The following USP6 variants were observed in gnomAD, a reference collection of about 807,000 sequenced individuals.
USP6 encodes the protein ubiquitin specific peptidase 6, also known as ubiquitin carboxyl-terminal hydrolase 6.
USP6 carries 128 observed loss-of-function variants against 175.7 expected under a neutral mutation model. That is an observed-to-expected ratio of 0.73 (90% CI 0.63 to 0.84). The LOEUF (loss-of-function observed/expected upper bound fraction) is 0.84. USP6 is among the 40% of genes least tolerant of loss of function. USP6 has a pLI of 0.00. For missense variants in USP6, 1,498 were observed against 1,760.3 expected, an observed-to-expected ratio of 0.85 and a Z score of 2.67; for synonymous variants, 562 against 630.6, an observed-to-expected ratio of 0.89 and a Z score of 1.63.
At chr17:5,122,089 G>A (rs146717964) in intron 4 of USP6, among the ~76,000 whole-genome samples, 34 of 151,840 alleles carry the variant, frequency 2.2e-4, no homozygotes, top group African/African-American at 7.7e-4. Flanking sequence ...GATGTGTCAG[G>A]GGGCTGGAGC....
chr17:5,165,323 T>C (rs767786937), intron 33 of USP6, among the ~76,000 whole-genome samples: 6 of 152,220 alleles, frequency 3.9e-5, no homozygotes, highest in Non-Finnish European at 7.3e-5. Flanking sequence ...ATCACTCTTA[T>C]CCTTTATATT....
intron 25 of USP6, among the ~76,000 whole-genome samples, chr17:5,143,864 T>C (rs1349302081): frequency 2.6e-5 from 4 of 152,032 alleles, no homozygotes; most frequent in African/African-American, 4.8e-5. Flanking sequence ...ATGTGGTGTT[T>C]GCAATGAGCC....
Position 5,171,705 on chromosome 17 carries a change from A to C in USP6, c.4047+26A>C, listed in dbSNP as rs747643443. 1.9e-6 allele frequency: 3 copies of C among 1,607,322 alleles called. No individual in the cohort carries two copies. In the African/African-American group the frequency reaches 4.0e-5, roughly 21 times the overall value. ...GTAAACATTCTCAATCTTTGAATGA[A>C]AGTTAGAATATCAACAGAACTGGGG... On this transcript the variant is annotated intron_variant, in intron 37 of 37. Coordinates refer to ENST00000574788, the MANE Select transcript of USP6 (RefSeq NM_001304284.2).
At chr17:5,157,761 G>T (rs557723913) in intron 31 of USP6, among the ~76,000 whole-genome samples, 5 of 152,246 alleles carry the variant, frequency 3.3e-5, no homozygotes, top group African/African-American at 1.2e-4. Flanking sequence ...CTCCCGAGTA[G>T]CTGGGAGTAC....
chr17:5,132,329 C>G lies in USP6; in HGVS notation c.156-67C>G. 6.2e-7 allele frequency: 1 copy of G among 1,611,876 alleles called. No homozygotes were observed. The highest frequency in any genetic ancestry group is 8.5e-7 in the Non-Finnish European group (1 of 1,179,722). The stretch of plus-strand genomic sequence containing the variant: ...GACAGAGCCAGTCCTTTCTGGGGGT[C>G]GGCTCCCAGGCTTGGGCGGCTCCAG... On this transcript the variant is annotated intron_variant, in intron 11 of 37. Coordinates refer to ENST00000574788, the MANE Select transcript of USP6 (RefSeq NM_001304284.2). The surrounding 1 kb of genome is among the most constrained non-coding windows in gnomAD (Gnocchi z 4.7).
chr17:5,155,422 A>T lies in USP6; in HGVS notation c.2644A>T (p.Met882Leu). Residue 882 changes from methionine (M) to leucine (L), a missense_variant and splice_region_variant, in exon 31 of 38, where the codon ATG becomes TTG. By Grantham distance (15) the Met-to-Leu change is conservative. Transcript: ENST00000574788. Reference sequence around the variant, plus strand: ...TCTCTATTCTCGTTTGTACATACAGATGAGGACAGAACTGTATTTCCTGTC... The same window carrying T: ...TCTCTATTCTCGTTTGTACATACAGTTGAGGACAGAACTGTATTTCCTGTC... ...GYIIAVHRKM[M>L]RTELYFLSPQ... The T allele has an allele frequency of 6.2e-7, 1 of 1,613,720 alleles. No homozygotes were observed. The highest frequency in any genetic ancestry group is 1.1e-5 in the South Asian group (1 of 90,978).
At chr17:5,117,119 T>C (rs2072555464) in intron 1 of USP6, among the ~76,000 whole-genome samples, 1 of 152,248 alleles carries the variant, frequency 6.6e-6, no homozygotes, top group Admixed American at 6.5e-5. Context: ...ACTTTATTAA[T>C]GATTCTAATT....
intron 2 of USP6, among the ~76,000 whole-genome samples, chr17:5,119,772 A>C (rs954633710): frequency 1.4e-4 from 22 of 152,156 alleles, no homozygotes; most frequent in Non-Finnish European, 2.8e-4. Context: ...CCAGCACTAC[A>C]AGTGACTCAC....
At chr17:5,156,961 C>T (rs570272146) in intron 31 of USP6, among the ~76,000 whole-genome samples, 1 of 152,110 alleles carries the variant, frequency 6.6e-6, no homozygotes, top group African/African-American at 2.4e-5. Flanking sequence ...AACTCCTGGC[C>T]TCAAGTGATC....
chr17:5,121,061 G>C (rs574424910), intron 3 of USP6, among the ~76,000 whole-genome samples: 95 of 152,316 alleles, frequency 6.2e-4, no homozygotes, highest in Non-Finnish European at 1.2e-3. Context: ...GTGTGTATTT[G>C]AGTACATACG....
chr17:5,143,098 C>A lies in USP6; in HGVS notation c.1818+596C>A, dbSNP rs559224705. ...GAGGGAGGTCGGGGGGTCAGCCCCC[C>A]ACCCGGCCAGCCGCCCCGGCCTGGA... On this transcript the variant is annotated intron_variant, in intron 25 of 37. Transcript: ENST00000574788. Among the ~76,000 whole-genome samples, 29 of 152,248 alleles carry A rather than the reference C, an allele frequency of 1.9e-4. No homozygotes were observed. The South Asian group carries it at 2.3e-3, about 12-fold the overall frequency.
chr17:5,136,351 A>T (rs955832629), intron 17 of USP6, among the ~76,000 whole-genome samples: 8 of 152,166 alleles, frequency 5.3e-5, no homozygotes, highest in African/African-American at 1.9e-4. Context: ...CCAGGAGATG[A>T]CCAGGAAGCT....
At chr17:5,149,440 C>G (rs113175071) in intron 30 of USP6, among the ~76,000 whole-genome samples, 4,798 of 152,086 alleles carry the variant, frequency 0.032, 257 homozygotes, top group African/African-American at 0.11. Context: ...CAAAGTATCT[C>G]CTAAGCCAGA....
At position 5,173,002 on chromosome 17, in the gene USP6, A is replaced by G; in HGVS notation, c.*24A>G. The G allele has an allele frequency of 6.2e-7, 1 of 1,607,912 alleles. No individual in the cohort carries two copies. The highest frequency in any genetic ancestry group is 8.5e-7 in the Non-Finnish European group (1 of 1,175,184). On this transcript the variant is annotated 3_prime_UTR_variant, in exon 38 of 38. Coordinates refer to ENST00000574788, the MANE Select transcript of USP6 (RefSeq NM_001304284.2). ...AAAGCTACCACTCTGGCTGCTAGAC[A>G]GCTTGGTGGCGAGGGAGATGACTCC... is the stretch of plus-strand genomic sequence containing the variant.
At chr17:5,172,331 G>A (rs536208823) in intron 37 of USP6, among the ~76,000 whole-genome samples, 369 of 151,938 alleles carry the variant, frequency 2.4e-3, no homozygotes, top group Non-Finnish European at 3.8e-3. Flanking sequence ...GGAGATAGAG[G>A]CCATCCTGGC....
At position 5,139,298 on chromosome 17, in the gene USP6, T is replaced by C. The variant is rs553985530; in HGVS notation, c.1122T>C (p.Ala374=). ...CCTTGGCACCCAGGCCTGTGCCGGCTTCACGTGGTGGGAAGACCCTCTGCA... is the reference window on the plus strand; with the variant it reads ...CCTTGGCACCCAGGCCTGTGCCGGCCTCACGTGGTGGGAAGACCCTCTGCA... ...QGSLAPRPVP[A]SRGGKTLCKG... is the part of the protein sequence containing the mutation. Residue 374 remains alanine, a synonymous_variant, in exon 22 of 38, where the codon GCT becomes GCC. Coordinates refer to ENST00000574788, the MANE Select transcript of USP6 (RefSeq NM_001304284.2). 1 of 1,607,818 alleles carries C rather than the reference T, an allele frequency of 6.2e-7. No individual in the cohort carries two copies. Among genetic ancestry groups the C allele is most frequent in the African/African-American group, 1.3e-5 (1 of 75,042 alleles).
chr17:5,157,463 A>G (rs2073908689), intron 31 of USP6, among the ~76,000 whole-genome samples: 1 of 152,240 alleles, frequency 6.6e-6, no homozygotes, highest in Non-Finnish European at 1.5e-5. Flanking sequence ...AATAATAGAT[A>G]AGCAGTTTAG....
intron 29 of USP6, 144 bp from the exon 30 acceptor site, chr17:5,148,412 T>G: frequency 9.7e-7 from 1 of 1,035,048 alleles, no homozygotes; most frequent in Non-Finnish European, 1.4e-6. Flanking sequence ...AATCTTCCAA[T>G]AAATCTAGAA....
intron 14 of USP6, 89 bp downstream of exon 14, chr17:5,133,639 T>TGGGGGGGG: frequency 4.9e-6 from 2 of 411,318 alleles, no homozygotes; most frequent in South Asian, 2.1e-5. Flanking sequence ...CACCCTGGGG[T>TGGGGGGGG]GGGGGGGTGG....
Sources: allele counts gnomAD v4.1 joint callset (sites outside exome capture counted in the v4.1 genomes callset), GRCh38; gene constraint gnomAD v4.1.1; non-coding constraint Gnocchi (gnomAD v3.1); transcripts MANE v1.5; gene names NCBI Gene and HGNC (gene_info 2026-07-23, HGNC 2026-07-21).